Variants in RBM41 observed in about 807,000 individuals in gnomAD.
RBM41 encodes the protein RNA-binding protein 41.
In RBM41, 14 loss-of-function variants were observed where a neutral mutation model predicts 30.8. That is an observed-to-expected ratio of 0.45 (90% CI 0.30 to 0.71). The LOEUF is 0.71. Ranked by LOEUF, RBM41 falls within the 30% of genes least tolerant of loss-of-function variation. The pLI is 0.08. For missense variants in RBM41, 276 were observed against 326.3 expected (o/e 0.85, Z 1.19); for synonymous variants, 120 against 110.1 (o/e 1.09, Z -0.56).
intron 6 of RBM41, among the ~76,000 whole-genome samples, chrX:107,082,917 T>C (rs757301214): frequency 9.0e-6 from 1 of 111,580 alleles, no homozygotes; most frequent in African/African-American, 3.2e-5. Flanking sequence ...CTATTATTAA[T>C]TTGAAAAGTT....
chrX:107,067,274 A>G lies in RBM41; in HGVS notation c.*253T>C. ...AAATCCTTAGGAATAATCCGTTGTAATTCATCCTGAGAAAATAATACTCTT... is the reference window on the plus strand; with the variant it reads ...AAATCCTTAGGAATAATCCGTTGTAGTTCATCCTGAGAAAATAATACTCTT... On this transcript the variant is annotated 3_prime_UTR_variant, in exon 8 of 8. Coordinates refer to ENST00000685964, the MANE Select transcript of RBM41 (RefSeq NM_001324242.2). The G allele has an allele frequency of 1.1e-6, 1 of 880,103 alleles. No individual in the cohort carries two copies. Among genetic ancestry groups the G allele is most frequent in the Non-Finnish European group, 1.4e-6 (1 of 718,173 alleles). 72.5% of individuals were successfully genotyped at this position (880,103 alleles called of 1,213,427 possible).
chrX:107,063,230 CCCTAAGCAA>C lies in RBM41; in HGVS notation c.*4288_*4296del, dbSNP rs1935708170. Among the ~76,000 whole-genome samples the C allele has an allele frequency of 9.0e-6, 1 of 110,816 alleles. No individual in the cohort carries two copies. Among genetic ancestry groups the C allele is most frequent in the Non-Finnish European group, 1.9e-5 (1 of 52,935 alleles). ...CCCATTCCCCCCAACTCTGTGCTAG[CCCTAAGCAA>C]CCACTAATCCACTTTCTATCTCTAT... On this transcript the variant is annotated 3_prime_UTR_variant, in exon 8 of 8. Coordinates refer to ENST00000685964, the MANE Select transcript of RBM41 (RefSeq NM_001324242.2).
Position 107,115,499 on chromosome X carries a change from C to G in RBM41, c.376G>C (p.Glu126Gln), listed in dbSNP as rs753768748. The G allele has an allele frequency of 2.5e-6, 3 of 1,211,787 alleles. No individual in the cohort carries two copies. The highest frequency in any genetic ancestry group is 4.3e-5 in the Admixed American group (2 of 46,062). The change falls in exon 4 of 8, where the codon GAA (glutamate) becomes CAA (glutamine). Residue 126 changes from glutamate to glutamine, a missense_variant. By Grantham distance (29) the Glu-to-Gln change is conservative. Transcript: ENST00000685964. ...AIQNRLQDIEERISERQRILC... is the reference protein window; with the variant it reads ...AIQNRLQDIEQRISERQRILC... ...ATGCGCTGACGCTCCGAGATCCTTT[C>G]TTCAATATCTTGAAGACGGTTCTGT...
intron 5 of RBM41, among the ~76,000 whole-genome samples, chrX:107,093,659 A>C (rs1355679431): frequency 8.9e-6 from 1 of 112,183 alleles, no homozygotes; most frequent in African/African-American, 3.2e-5. Flanking sequence ...TTTCAAATTT[A>C]AAACCTGAGC....
At chrX:107,068,350 ATTT>A (rs753891716) in intron 7 of RBM41, among the ~76,000 whole-genome samples, 19 of 111,649 alleles carry the variant, frequency 1.7e-4, no homozygotes, top group Non-Finnish European at 2.8e-4. Flanking sequence ...AGTACTACAA[ATTT>A]TTTTAAGTGT....
chrX:107,067,794 T>A, intron 7 of RBM41, 101 bp from the exon 8 acceptor site: 2 of 901,448 alleles, frequency 2.2e-6, no homozygotes, highest in Non-Finnish European at 2.9e-6. Flanking sequence ...AAATGTAAGC[T>A]ATAAGGCCAT....
At position 107,116,785 on chromosome X, in the gene RBM41, T is replaced by C. The variant is rs1285585; in HGVS notation, c.9-19A>G. On this transcript the variant is annotated intron_variant, in intron 1 of 7. Transcript: ENST00000685964. Reference sequence around the variant, plus strand: ...GTTTACCCTGGAGTAGACATAAGAATATATACAGAAAACGGAAGAGACTGT... The same window carrying C: ...GTTTACCCTGGAGTAGACATAAGAACATATACAGAAAACGGAAGAGACTGT... 12,350 of 1,186,566 alleles carry C rather than the reference T, an allele frequency of 0.01. 796 individuals are homozygous for C. In the African/African-American group the frequency reaches 0.19, roughly 18 times the overall value.
At chrX:107,096,542 C>T (rs1296128417) in intron 5 of RBM41, among the ~76,000 whole-genome samples, 2 of 111,770 alleles carry the variant, frequency 1.8e-5, no homozygotes, top group Non-Finnish European at 3.8e-5. Flanking sequence ...AACAACTGGA[C>T]ATCCATATAC....
intron 5 of RBM41, among the ~76,000 whole-genome samples, chrX:107,096,584 CATA>C (rs1255527918): frequency 9.0e-6 from 1 of 111,499 alleles, no homozygotes; most frequent in Admixed American, 9.5e-5. Flanking sequence ...TTACTTCACA[CATA>C]AAAATCAACT....
intron 6 of RBM41, among the ~76,000 whole-genome samples, chrX:107,080,596 CA>C (rs1921429140): frequency 9.0e-6 from 1 of 110,510 alleles, no homozygotes; most frequent in Non-Finnish European, 1.9e-5. Context: ...CGAAACAAAA[CA>C]AAACAAAACA....
chrX:107,100,504 G>A lies in RBM41; in HGVS notation c.596-11665C>T, dbSNP rs866291666. 3.3e-3 allele frequency among the ~76,000 whole-genome samples: 335 copies of A among 100,021 alleles called. 1 individual carries two copies. The highest frequency in any genetic ancestry group is 0.012 in the African/African-American group (311 of 26,535). The allele number at this position is 100,021 out of a possible 115,157, so 86.9% of individuals were successfully genotyped here. On this transcript the variant is annotated intron_variant, in intron 5 of 7. Coordinates refer to ENST00000685964, the MANE Select transcript of RBM41 (RefSeq NM_001324242.2). ...GGACTCTGTCTCAAAAAAAAAAAAA[G>A]AAAAAAAAAGTAACATAAATAAATG...
In RBM41 at chrX:107,062,535, TA is replaced by T. The variant is rs901393446; in HGVS notation, c.*4991del. ...CTAAGTGAGCAGTATATCAAAGGAA[TA>T]GGAGTTTGTCCTGAGTATAGTCAGA... On this transcript the variant is annotated 3_prime_UTR_variant, in exon 8 of 8. Transcript: ENST00000685964. Among the ~76,000 whole-genome samples, 2 of 111,369 alleles carry T rather than the reference TA, an allele frequency of 1.8e-5. No homozygotes were observed. Among genetic ancestry groups the T allele is most frequent in the Admixed American group, 1.9e-4 (2 of 10,441 alleles).
chrX:107,084,831 T>A (rs1921871300), intron 6 of RBM41, among the ~76,000 whole-genome samples: 1 of 112,393 alleles, frequency 8.9e-6, no homozygotes, highest in South Asian at 3.7e-4. Context: ...TTTGCTCAAC[T>A]GTTTTTCTTA....
intron 1 of RBM41, 125 bp downstream of exon 1, chrX:107,118,641 C>T: frequency 1.1e-6 from 1 of 922,310 alleles, no homozygotes; most frequent in South Asian, 2.1e-5. Context: ...TGTCGTGTTC[C>T]CGCTCCCACG....
At position 107,072,850 on chromosome X, in the gene RBM41, C is replaced by T. The variant is rs1323716092; in HGVS notation, c.1000-3448G>A. ...AGAAACTGACCCATGTATCTACAGCCAACTAATATTTTAATAAAGACACCA... is the reference window on the plus strand; with the variant it reads ...AGAAACTGACCCATGTATCTACAGCTAACTAATATTTTAATAAAGACACCA... On this transcript the variant is annotated intron_variant, in intron 6 of 7. Transcript: ENST00000685964. Among the ~76,000 whole-genome samples the T allele has an allele frequency of 2.7e-5, 3 of 110,633 alleles. 1 individual carries two copies. In the Admixed American group the frequency reaches 2.9e-4, roughly 11 times the overall value.
rs1490533112 is a variant in RBM41 at position 107,118,820 on chromosome X, C to A, written c.-47G>T. The stretch of plus-strand genomic sequence containing the variant: ...CAACTTGGGTAAATAGGCCGCGGAC[C>A]TCAAGTCCCAGAACTCCGCGCGGCG... On this transcript the variant is annotated 5_prime_UTR_variant, in exon 1 of 8. The change creates a new upstream start codon in the 5' untranslated region. Coordinates refer to ENST00000685964, the MANE Select transcript of RBM41 (RefSeq NM_001324242.2). The A allele has an allele frequency of 8.4e-7, 1 of 1,196,983 alleles. No individual in the cohort carries two copies. Among genetic ancestry groups the A allele is most frequent in the Admixed American group, 2.2e-5 (1 of 44,959 alleles).
At chrX:107,086,467 G>C (rs1346261554) in intron 6 of RBM41, among the ~76,000 whole-genome samples, 1 of 109,679 alleles carries the variant, frequency 9.1e-6, no homozygotes, top group African/African-American at 3.3e-5. Context: ...ACTAACATTT[G>C]AGACACTGTA....
chrX:107,066,154 G>A lies in RBM41; in HGVS notation c.*1373C>T, dbSNP rs749610739. 16 of 113,472 alleles carry A rather than the reference G, an allele frequency of 1.4e-4. No individual in the cohort carries two copies. The highest frequency in any genetic ancestry group is 1.9e-4 in the Non-Finnish European group (10 of 54,033). The allele number at this position is 113,472 out of a possible 1,213,427, so 9.4% of individuals were successfully genotyped here. On this transcript the variant is annotated 3_prime_UTR_variant, in exon 8 of 8. Coordinates refer to ENST00000685964, the MANE Select transcript of RBM41 (RefSeq NM_001324242.2). ...TTGAATGTGTTATTCCACTGCCACTGCCATTGTTTCTGAGGGGAAGTCAAC... is the reference window on the plus strand; with the variant it reads ...TTGAATGTGTTATTCCACTGCCACTACCATTGTTTCTGAGGGGAAGTCAAC...
intron 6 of RBM41, among the ~76,000 whole-genome samples, chrX:107,073,585 C>T (rs753054778): frequency 1.8e-5 from 2 of 111,361 alleles, no homozygotes; most frequent in Non-Finnish European, 3.8e-5. Flanking sequence ...TACGGAGGTT[C>T]CTCAACAAAC....
Sources: allele counts gnomAD v4.1 joint callset (sites outside exome capture counted in the v4.1 genomes callset), GRCh38; gene constraint gnomAD v4.1.1; transcripts MANE v1.5; gene names NCBI Gene and HGNC (gene_info 2026-07-23, HGNC 2026-07-21).